Variants in MRTFA observed in about 807,000 individuals in gnomAD.
MRTFA encodes the protein myocardin related transcription factor A.
MRTFA carries 20 observed loss-of-function variants against 83.5 expected under a neutral mutation model. That is an observed-to-expected ratio of 0.24 (90% confidence interval 0.17 to 0.35). MRTFA has a LOEUF of 0.35. MRTFA is among the 10% of genes least tolerant of loss of function. The pLI, the probability that MRTFA is intolerant of heterozygous loss-of-function variation, is 1.00. For missense variants in MRTFA, 1,200 were observed against 1,224.7 expected, an observed-to-expected ratio of 0.98 and a Z score of 0.30; for synonymous variants, 659 against 541.2, an observed-to-expected ratio of 1.22 and a Z score of -3.02.
intron 4 of MRTFA, among the ~76,000 whole-genome samples, chr22:40,461,113 G>A (rs1444011486): frequency 7.0e-6 from 1 of 142,304 alleles, no homozygotes; most frequent in Admixed American, 7.6e-5. Flanking sequence ...GAGGTGGGAA[G>A]ATCTGCTTGA....
intron 1 of MRTFA, among the ~76,000 whole-genome samples, chr22:40,635,825 A>T (rs571957743): frequency 1.7e-3 from 252 of 152,348 alleles, no homozygotes; most frequent in Middle Eastern, 0.01. Flanking sequence ...AAACCAAGGC[A>T]CAAGATTACA....
At chr22:40,417,231 G>A in intron 13 of MRTFA, 110 bp downstream of exon 13, 3 of 1,482,120 alleles carry the variant, frequency 2.0e-6, no homozygotes, top group Non-Finnish European at 2.7e-6. Flanking sequence ...CTCTGACCCT[G>A]AAGCTGGGCT....
intron 4 of MRTFA, among the ~76,000 whole-genome samples, chr22:40,460,637 G>A (rs934756118): frequency 6.6e-6 from 1 of 152,202 alleles, no homozygotes; most frequent in Non-Finnish European, 1.5e-5. Flanking sequence ...AAAGGGACAA[G>A]TAGATGAGAA....
At chr22:40,562,093 T>C (rs2055626827) in intron 2 of MRTFA, among the ~76,000 whole-genome samples, 1 of 152,004 alleles carries the variant, frequency 6.6e-6, no homozygotes, top group South Asian at 2.1e-4. Context: ...GGTGGGCACC[T>C]GTAGTCCCAG....
intron 1 of MRTFA, among the ~76,000 whole-genome samples, chr22:40,612,356 T>C (rs1425771243): frequency 6.6e-6 from 1 of 152,192 alleles, no homozygotes; most frequent in Admixed American, 6.5e-5. Flanking sequence ...AGAAGGTACG[T>C]TATTCAGCCA....
chr22:40,465,445 ACAG>A (rs1306190338), intron 3 of MRTFA, among the ~76,000 whole-genome samples: 3 of 152,200 alleles, frequency 2.0e-5, no homozygotes, highest in African/African-American at 7.2e-5. Context: ...ATCGATAAAA[ACAG>A]CAGGAGCTAC....
At chr22:40,589,146 A>T (rs576446199) in intron 2 of MRTFA, among the ~76,000 whole-genome samples, 1 of 152,310 alleles carries the variant, frequency 6.6e-6, no homozygotes, top group South Asian at 2.1e-4. Flanking sequence ...GTATCCTAAA[A>T]AAGTGAATCT....
chr22:40,422,633 G>A (rs746752945), intron 9 of MRTFA, among the ~76,000 whole-genome samples: 12 of 152,254 alleles, frequency 7.9e-5, no homozygotes, highest in Non-Finnish European at 1.5e-4. Flanking sequence ...CATGGAGGAA[G>A]CAAGAGGCAG....
chr22:40,510,765 G>A (rs1349813234), intron 3 of MRTFA, among the ~76,000 whole-genome samples: 1 of 152,050 alleles, frequency 6.6e-6, no homozygotes, highest in Non-Finnish European at 1.5e-5. Flanking sequence ...ACAGCAGAAG[G>A]GGCACCGAAG....
At chr22:40,498,287 T>A (rs2054396527) in intron 3 of MRTFA, among the ~76,000 whole-genome samples, 5 of 103,288 alleles carry the variant, frequency 4.8e-5, no homozygotes, top group Non-Finnish European at 8.3e-5. Flanking sequence ...TTTTTTTTTT[T>A]TTTTTTTTTT....
chr22:40,417,313 C>G (rs937499294), intron 13 of MRTFA, 28 bp downstream of exon 13: 1 of 1,603,960 alleles, frequency 6.2e-7, no homozygotes, highest in African/African-American at 1.3e-5. Context: ...GCTGCCAACA[C>G]TAGCCAGGCC....
intron 3 of MRTFA, among the ~76,000 whole-genome samples, chr22:40,497,678 G>A (rs2147214283): frequency 6.6e-6 from 1 of 152,178 alleles, no homozygotes; most frequent in South Asian, 2.1e-4. Flanking sequence ...GCTTGAACTT[G>A]GGAGGCGGAG....
intron 3 of MRTFA, among the ~76,000 whole-genome samples, chr22:40,548,398 C>G (rs1184649990): frequency 7.2e-6 from 1 of 138,348 alleles, no homozygotes; most frequent in Admixed American, 7.4e-5. Context: ...CTGGGAAAAC[C>G]AAAAGAGGGG....
chr22:40,591,522 A>G (rs1256308297), intron 2 of MRTFA, among the ~76,000 whole-genome samples: 1 of 152,204 alleles, frequency 6.6e-6, no homozygotes, highest in East Asian at 1.9e-4. Context: ...GCAGAACTTA[A>G]TAAAATGTGC....
At chr22:40,490,966 C>T (rs1225952484) in intron 3 of MRTFA, among the ~76,000 whole-genome samples, 3 of 150,832 alleles carry the variant, frequency 2.0e-5, no homozygotes, top group African/African-American at 4.9e-5. Flanking sequence ...AAAGAATTTT[C>T]CTCAAATTTA....
intron 3 of MRTFA, among the ~76,000 whole-genome samples, chr22:40,479,135 T>C (rs905231737): frequency 1.2e-4 from 18 of 152,134 alleles, no homozygotes; most frequent in African/African-American, 4.3e-4. Flanking sequence ...AGCTGAGCGC[T>C]TGCACAGGTG....
At chr22:40,463,701 G>C (rs562057218) in intron 3 of MRTFA, among the ~76,000 whole-genome samples, 4 of 152,134 alleles carry the variant, frequency 2.6e-5, no homozygotes, top group African/African-American at 9.7e-5. Flanking sequence ...TAAGTATAGT[G>C]AATGAAAGAA....
intron 1 of MRTFA, among the ~76,000 whole-genome samples, chr22:40,596,314 A>G (rs1002461624): frequency 6.6e-6 from 1 of 152,210 alleles, no homozygotes; most frequent in Admixed American, 6.5e-5. Context: ...ACTGTTATCA[A>G]AAAAGGAGGG....
chr22:40,456,485 T>C (rs1447152566), intron 4 of MRTFA, among the ~76,000 whole-genome samples: 1 of 152,042 alleles, frequency 6.6e-6, no homozygotes. Context: ...GCCCAGAGTT[T>C]GAGACCAACC....
Sources: gnomAD v4.1 joint callset for allele counts (sites outside exome capture counted in the v4.1 genomes callset) on GRCh38, gnomAD v4.1.1 for gene constraint, MANE v1.5 for transcripts, NCBI Gene and HGNC (gene_info 2026-07-23, HGNC 2026-07-21) for gene names.